The following RBL2 variants were observed in gnomAD, a reference collection of about 807,000 sequenced individuals.
The protein encoded by RBL2 is RB transcriptional corepressor like 2.
A neutral mutation model predicts 126.0 loss-of-function variants in RBL2; 56 were observed. The ratio of observed to expected loss-of-function variants is 0.44; its 90% CI spans 0.36 to 0.56. The LOEUF (loss-of-function observed/expected upper bound fraction) is 0.56, where lower values mean the gene tolerates loss of function less well. Ranked by LOEUF, RBL2 falls within the 20% of genes least tolerant of loss-of-function variation. The pLI is 0.00. For synonymous variants in RBL2, 454 were observed against 478.5 expected, an observed-to-expected ratio of 0.95 and a Z score of 0.67; for missense variants, 1,229 against 1,398.2, an observed-to-expected ratio of 0.88 and a Z score of 1.93.
intron 3 of RBL2, among the ~76,000 whole-genome samples, chr16:53,443,612 T>C (rs917437343): frequency 1.3e-5 from 2 of 152,220 alleles, no homozygotes; most frequent in Admixed American, 1.3e-4. Flanking sequence ...AGTTATGGAA[T>C]ACACATTTTC....
At chr16:53,487,638 T>C (rs551505394) in intron 21 of RBL2, 2 of 152,310 alleles carry the variant, frequency 1.3e-5, no homozygotes, top group East Asian at 1.9e-4. Flanking sequence ...GAAAATTTTA[T>C]ATACAACATC....
At chr16:53,467,961 T>C (rs932016841) in intron 14 of RBL2, among the ~76,000 whole-genome samples, 8 of 152,218 alleles carry the variant, frequency 5.3e-5, no homozygotes, top group Admixed American at 4.6e-4. Flanking sequence ...TGAGCTGTGC[T>C]ACCCTAGTTA....
At chr16:53,474,211 G>A (rs749189944) in intron 17 of RBL2, among the ~76,000 whole-genome samples, 61 of 151,946 alleles carry the variant, frequency 4.0e-4, no homozygotes, top group Non-Finnish European at 6.8e-4. Flanking sequence ...GGCTGGTCTC[G>A]AACTCCTAAG....
chr16:53,482,702 C>T (rs972707291), intron 21 of RBL2, among the ~76,000 whole-genome samples: 1 of 150,884 alleles, frequency 6.6e-6, no homozygotes, highest in Non-Finnish European at 1.5e-5. Context: ...CCCAGCTACT[C>T]GGGAGGCTAA....
At chr16:53,480,107 T>TATA (rs1960885858) in intron 19 of RBL2, 116 bp downstream of exon 19, 2 of 711,024 alleles carry the variant, frequency 2.8e-6, no homozygotes, top group Non-Finnish European at 4.6e-6. Context: ...TATGAAAGTG[T>TATA]TTTATAGATC....
chr16:53,482,859 G>C (rs1363185445), intron 21 of RBL2, among the ~76,000 whole-genome samples: 1 of 151,196 alleles, frequency 6.6e-6, no homozygotes, highest in Non-Finnish European at 1.5e-5. Context: ...ATATATATAT[G>C]GCCTGAACTC....
intron 1 of RBL2, chr16:53,435,607 G>A: frequency 7.9e-7 from 1 of 1,270,004 alleles, no homozygotes; most frequent in Non-Finnish European, 1.0e-6. Context: ...AAGTGACACG[G>A]AAGTACGGAT....
At chr16:53,462,413 A>G (rs962423378) in intron 10 of RBL2, 139 bp from the exon 11 acceptor site, 1 of 520,072 alleles carries the variant, frequency 1.9e-6, no homozygotes, top group Non-Finnish European at 3.4e-6. Context: ...GATAATTAAA[A>G]CACCAATCAT....
Position 53,461,777 on chromosome 16 carries a change from C to T in RBL2, c.1383C>T (p.Asn461=). 12 of 1,609,310 alleles carry T rather than the reference C, an allele frequency of 7.5e-6. No homozygotes were observed. Among genetic ancestry groups the T allele is most frequent in the South Asian group, 4.4e-5 (4 of 90,312 alleles). The change falls in exon 10 of 22, where the codon AAC becomes AAT. Residue 461 remains asparagine (N), a synonymous_variant. Coordinates refer to ENST00000262133, the MANE Select transcript of RBL2 (RefSeq NM_005611.4). ...CSRDPTQAIA[N]RLKEMFEIYS... is the part of the protein sequence containing the mutation. ...GAGATCCAACCCAGGCTATTGCTAA[C>T]AGACTGAAAGAAATGTTTGAAATAT...
In RBL2 at chr16:53,434,991, C is replaced by G. The variant is rs571259795; in HGVS notation, c.240+195C>G. ...AACCCGCTCTCGCCGCGCTTTCCTG[C>G]GGCTTCCGAATGGGGAACGCGTCTT... On this transcript the variant is annotated intron_variant, in intron 1 of 21. Coordinates refer to ENST00000262133, the MANE Select transcript of RBL2 (RefSeq NM_005611.4). Among the ~76,000 whole-genome samples, 10 of 152,290 alleles carry G rather than the reference C, an allele frequency of 6.6e-5. No individual in the cohort carries two copies. In the East Asian group the frequency reaches 1.7e-3, roughly 27 times the overall value.
chr16:53,469,931 C>G lies in RBL2; in HGVS notation c.1991C>G (p.Thr664Ser). The change falls in exon 15 of 22, where the codon ACC becomes AGC. Residue 664 changes from threonine to serine, a missense_variant. Transcript: ENST00000262133. Reference sequence around the variant, plus strand: ...TTGACCCTAGGCATAACATCTCCAACCACATTATACGATAGGTACAGCTCC... The same window carrying G: ...TTGACCCTAGGCATAACATCTCCAAGCACATTATACGATAGGTACAGCTCC... ...GGLGRSITSP[T>S]TLYDRYSSPP... is the part of the protein sequence containing the mutation. The G allele has an allele frequency of 6.4e-7, 1 of 1,570,016 alleles. No homozygotes were observed. Among genetic ancestry groups the G allele is most frequent in the South Asian group, 1.2e-5 (1 of 86,556 alleles).
chr16:53,479,891 T>C lies in RBL2; in HGVS notation c.2781T>C (p.Tyr927=), dbSNP rs772654839. Residue 927 remains tyrosine, a synonymous_variant, in exon 19 of 22, where the codon TAT becomes TAC. Transcript: ENST00000262133. The stretch of plus-strand genomic sequence containing the variant: ...TTCTCATTGTTTCTCTAAAGGTGTA[T>C]AGAAGTGTTTTGATAAAAGGGAAAA... ...RTQPQARSQV[Y]RSVLIKGKRK... 1.9e-6 allele frequency: 3 copies of C among 1,592,844 alleles called. No individual in the cohort carries two copies. The highest frequency in any genetic ancestry group is 2.2e-5 in the South Asian group (2 of 89,936).
chr16:53,486,434 A>G (rs1004397329), intron 21 of RBL2, among the ~76,000 whole-genome samples: 4 of 152,126 alleles, frequency 2.6e-5, no homozygotes, highest in African/African-American at 9.7e-5. Flanking sequence ...TGGTTTAAAA[A>G]CCTCCTGTCA....
In RBL2 at chr16:53,442,673, T is replaced by A. The variant is rs1382660773; in HGVS notation, c.387T>A (p.Phe129Leu). The A allele has an allele frequency of 1.2e-6, 2 of 1,612,334 alleles. No individual in the cohort carries two copies. The highest frequency in any genetic ancestry group is 1.7e-5 in the Admixed American group (1 of 59,886). The change falls in exon 3 of 22, where the codon TTT becomes TTA. Residue 129 changes from phenylalanine (F) to leucine (L), a missense_variant. By Grantham distance (22) the Phe-to-Leu change is conservative. This residue lies in a region of RBL2 where 1,070 missense variants were observed against 1,274.3 expected (regional missense o/e 0.84). Coordinates refer to ENST00000262133, the MANE Select transcript of RBL2 (RefSeq NM_005611.4). ...TTAATACCAGCTTAATCGAATTTTT[T>A]AATAAGATGAAGAAGTGGGAAGACA... Reference protein sequence around the residue: ...KCSEQSLIEFFNKMKKWEDMA... With the variant: ...KCSEQSLIEFLNKMKKWEDMA...
chr16:53,469,825 CTG>C, intron 14 of RBL2, 89 bp from the exon 15 acceptor site: 4 of 1,357,782 alleles, frequency 2.9e-6, no homozygotes, highest in Non-Finnish European at 4.0e-6. Context: ...ATTTCAAACA[CTG>C]TAGTTATTTT....
chr16:53,472,438 A>G (rs147337766), intron 17 of RBL2, among the ~76,000 whole-genome samples: 103 of 152,322 alleles, frequency 6.8e-4, no homozygotes, highest in African/African-American at 2.5e-3. Flanking sequence ...TTTTTATTAT[A>G]GCCATCTTAG....
intron 17 of RBL2, among the ~76,000 whole-genome samples, chr16:53,477,365 T>TCTTG (rs1348982987): frequency 6.6e-6 from 1 of 152,118 alleles, no homozygotes; most frequent in Non-Finnish European, 1.5e-5. Flanking sequence ...TAAGACTGAG[T>TCTTG]CTTGCTCTGT....
In RBL2 at chr16:53,470,676, A is replaced by T; in HGVS notation, c.2526+13A>T. 1 of 1,613,412 alleles carries T rather than the reference A, an allele frequency of 6.2e-7. No individual in the cohort carries two copies. The highest frequency in any genetic ancestry group is 8.5e-7 in the Non-Finnish European group (1 of 1,179,438). On this transcript the variant is annotated intron_variant, in intron 16 of 21. Coordinates refer to ENST00000262133, the MANE Select transcript of RBL2 (RefSeq NM_005611.4). ...TTTCTTTAGAAAGGTAATTTTTCACATACCTTATCAGAGCATGAGCTTGGG... is the reference window on the plus strand; with the variant it reads ...TTTCTTTAGAAAGGTAATTTTTCACTTACCTTATCAGAGCATGAGCTTGGG...
Position 53,434,540 on chromosome 16 carries a change from C to T in RBL2, c.-17C>T, listed in dbSNP as rs1342897123. The stretch of plus-strand genomic sequence containing the variant: ...GGCCCTCACCTCACCTGAGGTCCGG[C>T]CGCCCAGGGGTGCGCTATGCCGTCG... On this transcript the variant is annotated 5_prime_UTR_variant, in exon 1 of 22. Transcript: ENST00000262133. 4 of 1,434,784 alleles carry T rather than the reference C, an allele frequency of 2.8e-6. No homozygotes were observed. Among genetic ancestry groups the T allele is most frequent in the Non-Finnish European group, 2.7e-6 (3 of 1,100,448 alleles). 88.9% of individuals were successfully genotyped at this position (1,434,784 alleles called of 1,614,324 possible). A position where few individuals can be genotyped will look rare whatever the true frequency, so the allele number is the denominator to read the frequency against.
Sources: gnomAD v4.1 joint callset for allele counts (sites outside exome capture counted in the v4.1 genomes callset) on GRCh38, gnomAD v4.1.1 for gene constraint, gnomAD v4.1.1 regional missense constraint, MANE v1.5 for transcripts, NCBI Gene and HGNC (gene_info 2026-07-23, HGNC 2026-07-21) for gene names.